The following ATP2B4 variants were observed in gnomAD, a reference collection of about 807,000 sequenced individuals.
ATP2B4 encodes the protein ATPase plasma membrane Ca2+ transporting 4, also known as plasma membrane calcium-transporting ATPase 4.
ATP2B4 carries 39 observed loss-of-function variants against 110.3 expected under a neutral mutation model. The observed-to-expected ratio is 0.35, with a 90% confidence interval of 0.27 to 0.46. ATP2B4 has a LOEUF of 0.46. Among genes scored for constraint, ATP2B4 ranks in the 20% least tolerant of loss-of-function variants. ATP2B4 has a pLI of 1.00. For synonymous variants in ATP2B4, 538 were observed against 571.7 expected (o/e 0.94, Z 0.84); for missense variants, 1,135 against 1,530.9 (o/e 0.74, Z 4.32).
chr1:203,628,171 A>G (rs1204635417), intron 1 of ATP2B4, among the ~76,000 whole-genome samples: 2 of 152,230 alleles, frequency 1.3e-5, no homozygotes, highest in Non-Finnish European at 2.9e-5. Context: ...CTGAAGAGCT[A>G]GGAATTAAGA....
chr1:203,647,306 C>G (rs1006448703), intron 1 of ATP2B4, among the ~76,000 whole-genome samples: 2 of 152,044 alleles, frequency 1.3e-5, no homozygotes, highest in Admixed American at 6.6e-5. Context: ...TGTGGTGATG[C>G]ACACCTGTAG....
intron 1 of ATP2B4, among the ~76,000 whole-genome samples, chr1:203,656,371 A>G (rs1270843626): frequency 6.6e-6 from 1 of 152,182 alleles, no homozygotes; most frequent in African/African-American, 2.4e-5. Context: ...CATTTTCATG[A>G]TTCAAGTAGA....
At chr1:203,711,780 G>A (rs1040816277) in intron 12 of ATP2B4, among the ~76,000 whole-genome samples, 180 bp from the exon 13 acceptor site, 1 of 152,150 alleles carries the variant, frequency 6.6e-6, no homozygotes, top group Non-Finnish European at 1.5e-5. Flanking sequence ...GACTGCCGTG[G>A]GTAGGACAGA....
At chr1:203,724,600 A>T (rs1289750880) in intron 19 of ATP2B4, among the ~76,000 whole-genome samples, 1 of 150,792 alleles carries the variant, frequency 6.6e-6, no homozygotes, top group African/African-American at 2.4e-5. Context: ...CAAAAAAAAA[A>T]TATATAATAA....
chr1:203,701,458 G>T (rs1163895690), intron 6 of ATP2B4, among the ~76,000 whole-genome samples: 2 of 152,094 alleles, frequency 1.3e-5, no homozygotes, highest in Admixed American at 6.5e-5. Flanking sequence ...GAGGGAGAAA[G>T]AGGAGAAGAT....
Position 203,629,965 on chromosome 1 carries a change from T to C in ATP2B4, c.-465+2746T>C, listed in dbSNP as rs1418633427. Among the ~76,000 whole-genome samples the C allele has an allele frequency of 1.3e-5, 2 of 152,172 alleles. No individual in the cohort carries two copies. The highest frequency in any genetic ancestry group is 2.9e-5 in the Non-Finnish European group (2 of 68,032). ...GCCAGCGAGTTCCTAACCCGCCGTCTGGCCTCCAGTTTCCCCTCTGCACAA... is the reference window on the plus strand; with the variant it reads ...GCCAGCGAGTTCCTAACCCGCCGTCCGGCCTCCAGTTTCCCCTCTGCACAA... On this transcript the variant is annotated intron_variant, in intron 1 of 20. Transcript: ENST00000357681. This position sits in a 1 kb window ranked among gnomAD's most constrained non-coding sequence, Gnocchi z 4.6.
chr1:203,656,974 A>G, intron 1 of ATP2B4: 1 of 717,126 alleles, frequency 1.4e-6, no homozygotes, highest in Non-Finnish European at 2.6e-6. Flanking sequence ...CTGTCAAACC[A>G]GTAAGACTGC....
chr1:203,655,170 C>T (rs1030720426), intron 1 of ATP2B4, among the ~76,000 whole-genome samples: 1 of 152,140 alleles, frequency 6.6e-6, no homozygotes, highest in Non-Finnish European at 1.5e-5. Flanking sequence ...AAAGTGGTTT[C>T]TTGAGATGAA....
Position 203,629,956 on chromosome 1 carries a change from C to G in ATP2B4, c.-465+2737C>G, listed in dbSNP as rs1001239438. ...CAGCCTGACGCCAGCGAGTTCCTAA[C>G]CCGCCGTCTGGCCTCCAGTTTCCCC... On this transcript the variant is annotated intron_variant, in intron 1 of 20. Coordinates refer to ENST00000357681, the MANE Select transcript of ATP2B4 (RefSeq NM_001684.5). This position sits in a 1 kb window ranked among gnomAD's most constrained non-coding sequence, Gnocchi z 4.6. Among the ~76,000 whole-genome samples the G allele has an allele frequency of 2.6e-5, 4 of 152,304 alleles. No individual in the cohort carries two copies. The highest frequency in any genetic ancestry group is 9.6e-5 in the African/African-American group (4 of 41,576).
At chr1:203,661,940 T>C (rs921150983) in intron 1 of ATP2B4, among the ~76,000 whole-genome samples, 5 of 152,230 alleles carry the variant, frequency 3.3e-5, no homozygotes, top group African/African-American at 9.6e-5. Flanking sequence ...TATACCAGGA[T>C]GACTCTTCCA....
intron 20 of ATP2B4, chr1:203,733,148 C>T (rs1400980178): frequency 1.4e-6 from 2 of 1,421,732 alleles, no homozygotes; most frequent in Non-Finnish European, 9.6e-7. Context: ...CCTTCCATGA[C>T]CCTCCCTTCC....
At chr1:203,733,648 G>A (rs1371211657) in intron 20 of ATP2B4, 8 of 438,992 alleles carry the variant, frequency 1.8e-5, no homozygotes, top group Non-Finnish European at 3.2e-5. Flanking sequence ...TTTTCTGATT[G>A]TTCCTCTGCA....
intron 1 of ATP2B4, among the ~76,000 whole-genome samples, chr1:203,663,390 A>G (rs1558022017): frequency 6.6e-6 from 1 of 151,992 alleles, no homozygotes; most frequent in Admixed American, 6.6e-5. Context: ...TACCGCCTCC[A>G]TCTAGACCAC....
intron 20 of ATP2B4, chr1:203,729,710 C>T (rs745917564): frequency 8.9e-6 from 12 of 1,346,902 alleles, no homozygotes; most frequent in Non-Finnish European, 1.1e-5. Flanking sequence ...ACAGGTGCTT[C>T]CTGGGGAGCC....
intron 1 of ATP2B4, among the ~76,000 whole-genome samples, chr1:203,672,218 A>G (rs1203843112): frequency 6.6e-6 from 1 of 152,072 alleles, no homozygotes; most frequent in Non-Finnish European, 1.5e-5. Flanking sequence ...CCTTTTGGAA[A>G]GGAGCTCACC....
At chr1:203,663,612 T>TC (rs1304580750) in intron 1 of ATP2B4, among the ~76,000 whole-genome samples, 3 of 143,212 alleles carry the variant, frequency 2.1e-5, no homozygotes, top group Non-Finnish European at 3.1e-5. Context: ...TCTCTCTCTC[T>TC]TTTTTTTTTT....
chr1:203,702,117 C>G (rs1437680159), intron 7 of ATP2B4, 38 bp downstream of exon 7: 6 of 1,611,446 alleles, frequency 3.7e-6, no homozygotes, highest in Non-Finnish European at 5.1e-6. Flanking sequence ...TCTCTACCTG[C>G]CCACACTCAA....
At position 203,742,916 on chromosome 1, in the gene ATP2B4, A is replaced by G. The variant is rs1322453836; in HGVS notation, c.*3062A>G. 1.3e-5 allele frequency: 2 copies of G among 152,546 alleles called. No homozygotes were observed. Among genetic ancestry groups the G allele is most frequent in the Non-Finnish European group, 2.9e-5 (2 of 68,048 alleles). 9.4% of individuals were successfully genotyped at this position (152,546 alleles called of 1,614,324 possible). On this transcript the variant is annotated 3_prime_UTR_variant, in exon 21 of 21. Transcript: ENST00000357681. ...CCCCTAGAAAGATTTTGTGCAATAT[A>G]TTAAATGGGGACAGAATTCTAAATG...
At chr1:203,733,248 C>A (rs202010403) in intron 20 of ATP2B4, 1 of 1,613,052 alleles carries the variant, frequency 6.2e-7, no homozygotes, top group Non-Finnish European at 8.5e-7. Context: ...ACATTCCAGA[C>A]GGGAGCCTCT....
Sources: gnomAD v4.1 joint callset for allele counts (sites outside exome capture counted in the v4.1 genomes callset) on GRCh38, gnomAD v4.1.1 for gene constraint, Gnocchi (gnomAD v3.1) non-coding constraint, MANE v1.5 for transcripts, NCBI Gene and HGNC (gene_info 2026-07-23, HGNC 2026-07-21) for gene names.